The following WWOX variants were observed in gnomAD, a reference collection of about 807,000 sequenced individuals.
WWOX encodes WW domain-containing oxidoreductase.
A neutral mutation model predicts 46.2 loss-of-function variants in WWOX; 69 were observed. The observed-to-expected ratio is 1.49, with a 90% CI of 1.23 to 1.82. The LOEUF is 1.82. WWOX is among the 40% of genes most tolerant of loss of function. The pLI is 0.00. For missense variants in WWOX, 919 were observed against 542.6 expected, an observed-to-expected ratio of 1.69 and a Z score of -6.89; for synonymous variants, 359 against 202.6, an observed-to-expected ratio of 1.77 and a Z score of -6.56.
At chr16:78,837,635 T>A (rs962036337) in intron 8 of WWOX, among the ~76,000 whole-genome samples, 2 of 152,190 alleles carry the variant, frequency 1.3e-5, no homozygotes, top group African/African-American at 4.8e-5. Context: ...CTAGAAACTG[T>A]TTATTGGTGA....
intron 8 of WWOX, among the ~76,000 whole-genome samples, chr16:78,855,925 C>G (rs996387559): frequency 2.6e-5 from 4 of 152,168 alleles, no homozygotes; most frequent in African/African-American, 9.7e-5. Flanking sequence ...AGAAGACAGA[C>G]TTGGGAACAA....
At chr16:79,045,051 G>T (rs2048039849) in intron 8 of WWOX, among the ~76,000 whole-genome samples, 1 of 152,232 alleles carries the variant, frequency 6.6e-6, no homozygotes, top group Non-Finnish European at 1.5e-5. Context: ...TCTCTGGAAA[G>T]ATCAGCTCTG....
intron 5 of WWOX, among the ~76,000 whole-genome samples, chr16:78,356,200 A>G (rs1474674088): frequency 2.6e-5 from 4 of 151,978 alleles, no homozygotes; most frequent in Non-Finnish European, 5.9e-5. Context: ...ATAAATAAAT[A>G]AAAATGCATA....
intron 8 of WWOX, among the ~76,000 whole-genome samples, chr16:78,942,813 T>C (rs1348634067): frequency 6.6e-6 from 1 of 152,216 alleles, no homozygotes; most frequent in East Asian, 1.9e-4. Context: ...TTCTCTCTGG[T>C]TTCCCGGAAG....
chr16:78,994,045 ACT>A (rs2046940605), intron 8 of WWOX, among the ~76,000 whole-genome samples: 1 of 152,058 alleles, frequency 6.6e-6, no homozygotes, highest in East Asian at 1.9e-4. Flanking sequence ...ATGTTCTTTG[ACT>A]CTGCTTAGCC....
intron 6 of WWOX, among the ~76,000 whole-genome samples, chr16:78,403,285 A>G (rs913897596): frequency 2.6e-5 from 4 of 152,242 alleles, no homozygotes; most frequent in African/African-American, 9.6e-5. Flanking sequence ...TTAAAACTGT[A>G]TAAAGTGTAT....
chr16:78,797,130 C>G (rs1449228481), intron 8 of WWOX, among the ~76,000 whole-genome samples: 1 of 151,880 alleles, frequency 6.6e-6, no homozygotes, highest in Admixed American at 6.6e-5. Context: ...TGGGCCCCAA[C>G]TTTCTTTATC....
At chr16:78,494,801 A>G (rs887162023) in intron 8 of WWOX, among the ~76,000 whole-genome samples, 7 of 152,148 alleles carry the variant, frequency 4.6e-5, no homozygotes, top group African/African-American at 1.7e-4. Flanking sequence ...TTTTCCTGTA[A>G]TTACAGTCAA....
At chr16:78,785,047 A>C (rs1157404431) in intron 8 of WWOX, among the ~76,000 whole-genome samples, 1 of 152,166 alleles carries the variant, frequency 6.6e-6, no homozygotes, top group Admixed American at 6.5e-5. Context: ...AGCCAAGGAG[A>C]AGTTAAATTC....
At chr16:78,522,216 CA>C (rs1472359106) in intron 8 of WWOX, among the ~76,000 whole-genome samples, 1 of 150,212 alleles carries the variant, frequency 6.7e-6, no homozygotes, top group Non-Finnish European at 1.5e-5. Flanking sequence ...TTTACTAAGG[CA>C]GGTTGTAGAC....
chr16:78,907,629 T>C (rs926152951), intron 8 of WWOX, among the ~76,000 whole-genome samples: 8 of 152,234 alleles, frequency 5.3e-5, no homozygotes, highest in African/African-American at 1.9e-4. Context: ...CAGATCTCTT[T>C]CACGGTCATA....
At chr16:78,398,965 G>C (rs1355197883) in intron 6 of WWOX, among the ~76,000 whole-genome samples, 2 of 149,416 alleles carry the variant, frequency 1.3e-5, no homozygotes. Flanking sequence ...GGCTGGCTAG[G>C]TGGATAGAAG....
At chr16:78,526,689 C>G (rs552066534) in intron 8 of WWOX, among the ~76,000 whole-genome samples, 1 of 152,272 alleles carries the variant, frequency 6.6e-6, no homozygotes, top group South Asian at 2.1e-4. Context: ...CAGGACGTGT[C>G]AAGACTGCAG....
chr16:78,978,157 G>C (rs1370686235), intron 8 of WWOX, among the ~76,000 whole-genome samples: 1 of 152,140 alleles, frequency 6.6e-6, no homozygotes, highest in Non-Finnish European at 1.5e-5. Flanking sequence ...CCACATTGTG[G>C]CATGTATCAG....
intron 8 of WWOX, among the ~76,000 whole-genome samples, chr16:78,819,705 G>A (rs544259018): frequency 6.6e-6 from 1 of 152,322 alleles, no homozygotes; most frequent in African/African-American, 2.4e-5. Flanking sequence ...CAAGAACCCT[G>A]TTGGCCTAAG....
At chr16:78,212,054 G>A (rs2036575001) in intron 5 of WWOX, among the ~76,000 whole-genome samples, 2 of 152,126 alleles carry the variant, frequency 1.3e-5, no homozygotes, top group Admixed American at 6.5e-5. Context: ...TTTGGGAAAG[G>A]CATGTGGGAG....
chr16:78,797,111 C>G (rs2050759335), intron 8 of WWOX, among the ~76,000 whole-genome samples: 1 of 152,012 alleles, frequency 6.6e-6, no homozygotes, highest in African/African-American at 2.4e-5. Flanking sequence ...CAGGCGTGAG[C>G]CACTGTGCTG....
chr16:78,844,413 G>A (rs562132557), intron 8 of WWOX, among the ~76,000 whole-genome samples: 1 of 152,236 alleles, frequency 6.6e-6, no homozygotes, highest in South Asian at 2.1e-4. Flanking sequence ...GTACCAGTGG[G>A]TTACGATGAA....
intron 8 of WWOX, among the ~76,000 whole-genome samples, chr16:78,795,725 A>G (rs758314259): frequency 3.3e-5 from 5 of 152,176 alleles, no homozygotes; most frequent in African/African-American, 7.2e-5. Context: ...GGCAAGTCTC[A>G]TATTTCTCAA....
Sources: gnomAD v4.1 joint callset for allele counts (sites outside exome capture counted in the v4.1 genomes callset) on GRCh38, gnomAD v4.1.1 for gene constraint, MANE v1.5 for transcripts, NCBI Gene and HGNC (gene_info 2026-07-23, HGNC 2026-07-21) for gene names.